The following TRPM1 variants were observed in gnomAD, a reference collection of about 807,000 sequenced individuals.
The protein encoded by TRPM1 is transient receptor potential cation channel subfamily M member 1.
Under a neutral mutation model 149.4 loss-of-function variants are expected in TRPM1, and 113 were observed. The observed-to-expected ratio is 0.76, with a 90% CI of 0.65 to 0.88. The LOEUF is 0.88. TRPM1 is among the 40% of genes least tolerant of loss of function. The pLI, the probability that TRPM1 is intolerant of heterozygous loss-of-function variation, is 0.00. For synonymous variants in TRPM1, 741 were observed against 759.5 expected (o/e 0.98, Z 0.40); for missense variants, 1,976 against 2,038.7 (o/e 0.97, Z 0.59).
intron 1 of TRPM1, among the ~76,000 whole-genome samples, chr15:31,141,432 A>G (rs2036160735): frequency 6.6e-6 from 1 of 152,198 alleles, no homozygotes; most frequent in South Asian, 2.1e-4. Flanking sequence ...TTGTTAAAGA[A>G]AAGACTAATT....
In TRPM1 at chr15:31,099,740, ATTTTC is replaced by A. The variant is rs571629265; in HGVS notation, c.-84+1912_-84+1916del. On this transcript the variant is annotated intron_variant, in intron 1 of 27. Transcript: ENST00000256552. ...AACATGAGTTGATATTTCCAATTAC[ATTTTC>A]TGGGGGAGGAGGGCTAAAAAATACA... is the stretch of plus-strand genomic sequence containing the variant. Among the ~76,000 whole-genome samples the A allele has an allele frequency of 3.4e-3, 511 of 152,270 alleles. 5 individuals carry two copies. Among genetic ancestry groups the A allele is most frequent in the African/African-American group, 0.012 (494 of 41,530 alleles).
In TRPM1 at chr15:31,002,889, C is replaced by T. The variant is rs367957472; in HGVS notation, c.3811G>A (p.Ala1271Thr). ...RSDLIQARSR[A>T]SSECEATYLL... ...TACGTTGCCTCACATTCAGAAGAAG[C>T]CCGGGACCGTGCCTGGATCAGGTCA... is the stretch of plus-strand genomic sequence containing the variant. The change falls in exon 28 of 28, where the codon GCT becomes ACT. Residue 1271 changes from alanine to threonine, a missense_variant. Transcript: ENST00000256552. 47 of 1,613,994 alleles carry T rather than the reference C, an allele frequency of 2.9e-5. No individual in the cohort carries two copies. In the African/African-American group the frequency reaches 5.9e-4, roughly 20 times the overall value.
Position 31,040,614 on chromosome 15 carries a change from C to T in TRPM1, c.2088-268G>A, listed in dbSNP as rs1257902411. Among the ~76,000 whole-genome samples the T allele has an allele frequency of 2.0e-5, 3 of 152,188 alleles. No individual in the cohort carries two copies. Among genetic ancestry groups the T allele is most frequent in the South Asian group, 4.1e-4 (2 of 4,832 alleles). On this transcript the variant is annotated intron_variant, in intron 17 of 27. Coordinates refer to ENST00000256552, the MANE Select transcript of TRPM1 (RefSeq NM_001252024.2). The surrounding 1 kb of genome is among the most constrained non-coding windows in gnomAD (Gnocchi z 4.2). ...GTTGAGACCACATCTGCCCCTCAGA[C>T]CCCAGGGACATAGAGACGAGAAGAC...
chr15:31,141,081 C>A (rs1284601890), intron 1 of TRPM1, among the ~76,000 whole-genome samples: 2 of 152,078 alleles, frequency 1.3e-5, no homozygotes, highest in East Asian at 3.9e-4. Context: ...ATCCGCCCCC[C>A]TCAGCCTCCC....
rs540794004 is a variant in TRPM1 at position 31,121,574 on chromosome 15, T to C, written c.54+39332A>G. ...GTGTCCACAAATTTAATAGCTTAGA[T>C]GAAATGAACAAATTCCTTGAAACAC... is the stretch of plus-strand genomic sequence containing the variant. On this transcript the variant is annotated intron_variant, in intron 1 of 26. Coordinates refer to the TRPM1 transcript ENST00000542188. Among the ~76,000 whole-genome samples, 6 of 152,272 alleles carry C rather than the reference T, an allele frequency of 3.9e-5. No individual in the cohort carries two copies. The South Asian group carries it at 8.3e-4, about 21-fold the overall frequency.
chr15:31,134,051 C>T (rs1009082712), intron 1 of TRPM1, among the ~76,000 whole-genome samples: 1 of 152,118 alleles, frequency 6.6e-6, no homozygotes, highest in Non-Finnish European at 1.5e-5. Context: ...ATGCAAAGGC[C>T]CCCTCTCTGG....
rs540147539 is a variant in TRPM1, at chr15:31,048,182, G to A, written c.1573-243C>T. Among the ~76,000 whole-genome samples, 4 of 152,126 alleles carry A rather than the reference G, an allele frequency of 2.6e-5. No individual in the cohort carries two copies. In the South Asian group the frequency reaches 8.3e-4, roughly 31 times the overall value. ...GGAGGCTGAGGTTGGAGGATCACTT[G>A]AACCGGGGAGGCAGCTGCAGTGAGC... On this transcript the variant is annotated intron_variant, in intron 13 of 27. Transcript: ENST00000256552.
At chr15:31,037,943 A>G (rs768068765) in intron 19 of TRPM1, 101 bp from the exon 20 acceptor site, 10 of 1,611,740 alleles carry the variant, frequency 6.2e-6, no homozygotes, top group Non-Finnish European at 8.5e-6. Flanking sequence ...TTCCAAAAAT[A>G]CCTTTAACCA....
At position 31,060,184 on chromosome 15, in the gene TRPM1, G is replaced by C. The variant is rs143418239; in HGVS notation, c.1263+360C>G. The C allele has an allele frequency of 9.7e-4, 365 of 374,550 alleles. 1 individual carries two copies. Among genetic ancestry groups the C allele is most frequent in the African/African-American group, 7.1e-3 (337 of 47,594 alleles). The allele number at this position is 374,550 out of a possible 1,614,324, so 23.2% of individuals were successfully genotyped here. ...ACACAGAGTTCTCTAGGCCTCCAGG[G>C]TTTCATGGAACATAGTTTGAAAAAT... On this transcript the variant is annotated intron_variant, in intron 11 of 27. Coordinates refer to ENST00000256552, the MANE Select transcript of TRPM1 (RefSeq NM_001252024.2).
chr15:31,142,621 AC>A (rs1180019599), intron 1 of TRPM1, among the ~76,000 whole-genome samples: 1 of 152,176 alleles, frequency 6.6e-6, no homozygotes, highest in Non-Finnish European at 1.5e-5. Flanking sequence ...TAAATGAATG[AC>A]TATTATTTCA....
chr15:31,051,782 G>T (rs1271968752), intron 11 of TRPM1, among the ~76,000 whole-genome samples: 1 of 152,114 alleles, frequency 6.6e-6, no homozygotes, highest in African/African-American at 2.4e-5. Flanking sequence ...CCTGTTGCCT[G>T]CTCAGCATCC....
At chr15:31,104,586 CTTTTTTTT>C (rs928062797), upstream of TRPM1, among the ~76,000 whole-genome samples, 1 of 87,464 alleles carries the variant, frequency 1.1e-5, no homozygotes, top group Non-Finnish European at 2.0e-5. Flanking sequence ...GGTGATCTTC[CTTTTTTTT>C]TTTTTTTTTT....
intron 6 of TRPM1, 128 bp downstream of exon 6, chr15:31,066,935 T>C: frequency 1.6e-6 from 2 of 1,243,042 alleles, no homozygotes; most frequent in Non-Finnish European, 2.3e-6. Context: ...GATGTTACCA[T>C]TGGAGGAATG....
intron 1 of TRPM1, among the ~76,000 whole-genome samples, chr15:31,144,392 G>A (rs1341608847): frequency 1.3e-5 from 2 of 152,158 alleles, no homozygotes; most frequent in Admixed American, 1.3e-4. Context: ...AGCCATGACC[G>A]CACCATTGTA....
At chr15:31,075,170 T>C (rs2034657835) in intron 3 of TRPM1, among the ~76,000 whole-genome samples, 1 of 152,210 alleles carries the variant, frequency 6.6e-6, no homozygotes, top group African/African-American at 2.4e-5. Context: ...GTGTGCTCTA[T>C]AGTTATCTGT....
intron 1 of TRPM1, among the ~76,000 whole-genome samples, chr15:31,088,519 T>A (rs2035075770): frequency 6.6e-6 from 1 of 152,170 alleles, no homozygotes; most frequent in African/African-American, 2.4e-5. Context: ...CAACTCTGGA[T>A]GCGCCACCTT....
chr15:31,030,993 G>T lies in TRPM1; in HGVS notation c.3117C>A (p.Asp1039Glu), dbSNP rs567852710. The T allele has an allele frequency of 1.2e-6, 2 of 1,614,106 alleles. No homozygotes were observed. Among genetic ancestry groups the T allele is most frequent in the Non-Finnish European group, 1.7e-6 (2 of 1,180,030 alleles). The change falls in exon 23 of 28, where the codon GAC becomes GAA. Residue 1039 changes from aspartate to glutamate, a missense_variant. Around this residue, in one of 3 missense-constraint regions of TRPM1, gnomAD observed 1,332 missense variants for 1,347.1 expected, o/e 0.99. Transcript: ENST00000256552. Reference protein sequence around the residue: ...YWMIYGEVFADQIDLYAMEIN... With the variant: ...YWMIYGEVFAEQIDLYAMEIN... Reference sequence around the variant, plus strand: ...GAATTCTACTCTTACGGTCTATCTGGTCTGCAAACACCTCTCCATAGATCA... The same window carrying T: ...GAATTCTACTCTTACGGTCTATCTGTTCTGCAAACACCTCTCCATAGATCA...
intron 21 of TRPM1, among the ~76,000 whole-genome samples, chr15:31,033,299 C>T (rs1278453180): frequency 6.6e-6 from 1 of 152,164 alleles, no homozygotes; most frequent in Admixed American, 6.5e-5. Context: ...ATAGATGAGC[C>T]CCACGTGGCC....
chr15:31,133,637 G>A (rs1015904397), intron 1 of TRPM1, among the ~76,000 whole-genome samples: 2 of 150,076 alleles, frequency 1.3e-5, no homozygotes, highest in Non-Finnish European at 3.0e-5. Context: ...AGCCAAGATT[G>A]TACCACGACA....
Sources: allele counts gnomAD v4.1 joint callset (sites outside exome capture counted in the v4.1 genomes callset), GRCh38; gene constraint gnomAD v4.1.1; regional missense constraint gnomAD v4.1.1; non-coding constraint Gnocchi (gnomAD v3.1); transcripts MANE v1.5; gene names NCBI Gene and HGNC (gene_info 2026-07-23, HGNC 2026-07-21).